Variants in TNKS1BP1 observed in about 807,000 individuals in gnomAD.
The protein encoded by TNKS1BP1 is 182 kDa tankyrase-1-binding protein.
A neutral mutation model predicts 141.1 loss-of-function variants in TNKS1BP1; 48 were observed. That is an observed-to-expected ratio of 0.34 (90% confidence interval 0.27 to 0.43). The LOEUF (loss-of-function observed/expected upper bound fraction) is 0.43. Among genes scored for constraint, TNKS1BP1 ranks in the 20% least tolerant of loss-of-function variants. The probability of loss-of-function intolerance (pLI) is 1.00; values close to 1 mark genes in which losing one functional copy is unlikely to be tolerated. For missense variants in TNKS1BP1, 2,149 were observed against 2,226.0 expected (o/e 0.97, Z 0.70); for synonymous variants, 875 against 898.2 (o/e 0.97, Z 0.46).
chr11:57,318,714 C>T (rs1855834174), intron 3 of TNKS1BP1, among the ~76,000 whole-genome samples: 1 of 152,246 alleles, frequency 6.6e-6, no homozygotes, highest in African/African-American at 2.4e-5. Flanking sequence ...CTCCAAAGTC[C>T]CGTGCCCAGC....
Position 57,313,104 on chromosome 11 carries a change from C to T in TNKS1BP1, c.1584G>A (p.Gly528=). 6.2e-7 allele frequency: 1 copy of T among 1,613,424 alleles called. No individual in the cohort carries two copies. The highest frequency in any genetic ancestry group is 8.5e-7 in the Non-Finnish European group (1 of 1,180,018). ...CACTTGGAGCTGACCCAGCCCCTTG[C>T]CCCTGCTGAGACACTCCTTCTTCCC... The part of the protein sequence containing the change: ...SSREEGVSQQ[G]QGAGSAPSGS... The change falls in exon 5 of 12, where the codon GGG becomes GGA. Residue 528 remains glycine, a synonymous_variant. Coordinates refer to ENST00000358252, the MANE Select transcript of TNKS1BP1 (RefSeq NM_033396.3).
chr11:57,311,312 G>T, intron 5 of TNKS1BP1: 1 of 985,840 alleles, frequency 1.0e-6, no homozygotes, highest in Non-Finnish European at 1.2e-6. Flanking sequence ...GCGTTGGCCA[G>T]CAGCCGCTCC....
At chr11:57,305,702 A>G (rs372060046) in intron 6 of TNKS1BP1, among the ~76,000 whole-genome samples, 1 of 152,194 alleles carries the variant, frequency 6.6e-6, no homozygotes. Context: ...CAGCCGTGGG[A>G]ACCGGTGCAA....
intron 6 of TNKS1BP1, among the ~76,000 whole-genome samples, chr11:57,306,591 CTTTT>C (rs995576789): frequency 7.2e-5 from 11 of 152,228 alleles, no homozygotes; most frequent in Admixed American, 7.2e-4. Flanking sequence ...TTTCGTTCGG[CTTTT>C]TGAGGAGCCG....
In TNKS1BP1 at chr11:57,302,120, C is replaced by A. The variant is rs375083980; in HGVS notation, c.4788G>T (p.Leu1596=). 5 of 1,613,848 alleles carry A rather than the reference C, an allele frequency of 3.1e-6. No homozygotes were observed. The African/African-American group carries it at 5.3e-5, about 17-fold the overall frequency. The part of the protein sequence containing the change: ...PVIRPGGTLG[L]SEAADSDAHL... Reference sequence around the variant, plus strand: ...GTGCATCCGAGTCTGCTGCCTCCGACAGGCCCAAGGTACCCCCAGGCCGAA... The same window carrying A: ...GTGCATCCGAGTCTGCTGCCTCCGAAAGGCCCAAGGTACCCCCAGGCCGAA... Residue 1596 remains leucine (L), a synonymous_variant, in exon 8 of 12, where the codon CTG becomes CTT. Coordinates refer to ENST00000358252, the MANE Select transcript of TNKS1BP1 (RefSeq NM_033396.3). The surrounding 1 kb of genome is among the most constrained non-coding windows in gnomAD (Gnocchi z 5.5).
intron 5 of TNKS1BP1, among the ~76,000 whole-genome samples, chr11:57,311,698 T>C (rs955361754): frequency 2.0e-5 from 3 of 150,712 alleles, no homozygotes; most frequent in African/African-American, 7.4e-5. Context: ...GCTTGAGAAA[T>C]AAATTTCGAA....
chr11:57,300,715 G>T lies in TNKS1BP1; in HGVS notation c.5130-115C>A, dbSNP rs995031096. ...AACCAGAAGAGGCAGTCTGGGGCCT[G>T]GCTGCAGGGACCCAAATTCTGACAC... On this transcript the variant is annotated intron_variant, in intron 10 of 11. Transcript: ENST00000358252. The T allele has an allele frequency of 2.6e-6, 4 of 1,513,612 alleles. No homozygotes were observed. The East Asian group carries it at 6.8e-5, about 26-fold the overall frequency. 93.8% of individuals were successfully genotyped at this position (1,513,612 alleles called of 1,614,324 possible).
Position 57,313,449 on chromosome 11 carries a change from CT to C in TNKS1BP1, c.1238del (p.Lys413ArgfsTer239). 6.2e-7 allele frequency: 1 copy of C among 1,601,650 alleles called. No individual in the cohort carries two copies. Among genetic ancestry groups the C allele is most frequent in the Non-Finnish European group, 8.5e-7 (1 of 1,173,052 alleles). ...TFPSGGEEEA[K>X]GDAHLRPTSL... ...TGGTGGGGCGGAGGTGTGCGTCACC[CT>C]TGGCCTCCTCCTCCCCGCCAGATGG... On this transcript the variant is annotated frameshift_variant, in exon 5 of 12. Coordinates refer to ENST00000358252, the MANE Select transcript of TNKS1BP1 (RefSeq NM_033396.3). LOFTEE classifies it high-confidence loss of function.
intron 6 of TNKS1BP1, 91 bp downstream of exon 6, chr11:57,308,304 A>C: frequency 1.3e-6 from 2 of 1,499,232 alleles, no homozygotes; most frequent in Non-Finnish European, 1.8e-6. Flanking sequence ...CCTCAGGAAA[A>C]ACTGTTTCTT....
In TNKS1BP1 at chr11:57,302,172, C is replaced by T. The variant is rs1209439480; in HGVS notation, c.4736G>A (p.Arg1579His). The T allele has an allele frequency of 1.7e-5, 27 of 1,613,244 alleles. No individual in the cohort carries two copies. Among genetic ancestry groups the T allele is most frequent in the East Asian group, 2.2e-5 (1 of 44,874 alleles). ...GACCGGGGCCCGGTGCCCACGCTTG[C>T]GCCCCAAGTTGGCACGGCTCCGATA... ...AMYRSRANLG[R>H]KRGHRAPVIR... Residue 1579 changes from arginine (R) to histidine (H), a missense_variant, in exon 8 of 12, where the codon CGC becomes CAC. Transcript: ENST00000358252. The surrounding 1 kb of genome is among the most constrained non-coding windows in gnomAD (Gnocchi z 5.5).
chr11:57,300,839 G>A, intron 10 of TNKS1BP1, 45 bp downstream of exon 10: 5 of 1,598,878 alleles, frequency 3.1e-6, no homozygotes, highest in Non-Finnish European at 4.3e-6. Flanking sequence ...TTTCATCAGG[G>A]TAATACAGTG....
At chr11:57,324,193 G>A (rs951032288) in intron 1 of TNKS1BP1, among the ~76,000 whole-genome samples, 6 of 152,220 alleles carry the variant, frequency 3.9e-5, no homozygotes, top group Non-Finnish European at 8.8e-5. Flanking sequence ...AGGATCTCCA[G>A]CCGGATCCGA....
intron 6 of TNKS1BP1, among the ~76,000 whole-genome samples, chr11:57,304,053 G>A (rs780470194): frequency 5.9e-5 from 9 of 151,810 alleles, no homozygotes; most frequent in Non-Finnish European, 8.8e-5. Flanking sequence ...GATGGACCTC[G>A]CACCCACCAC....
Position 57,312,833 on chromosome 11 carries a change from G to C in TNKS1BP1, c.1855C>G (p.Leu619Val). The C allele has an allele frequency of 5.6e-6, 9 of 1,611,826 alleles. No homozygotes were observed. Among genetic ancestry groups the C allele is most frequent in the Non-Finnish European group, 7.6e-6 (9 of 1,178,914 alleles). ...GGGGCTGCTGGCTGCTCCTGCCCCA[G>C]GACTGGCTCCAGGATGGGCAAGGCT... ...EAALPILEPV[L>V]GQEQPAAPDQ... Residue 619 changes from leucine to valine, a missense_variant, in exon 5 of 12, where the codon CTG (leucine) becomes GTG (valine). Transcript: ENST00000358252.
chr11:57,320,386 C>G lies in TNKS1BP1; in HGVS notation c.421G>C (p.Gly141Arg), dbSNP rs1423481285. ...AAAGGGGCAGGGGCCTTCCGTACAC[C>G]CCCTGGGGCTGCACATCGAGCTGGG... is the stretch of plus-strand genomic sequence containing the variant. ...TPPARCAAPG[G>R]VRKAPAPFRP... Residue 141 changes from glycine (G) to arginine (R), a missense_variant, in exon 3 of 12, where the codon GGT becomes CGT. Physicochemically the swap from Gly to Arg is moderately radical, Grantham distance 125. Transcript: ENST00000358252. The G allele has an allele frequency of 6.2e-7, 1 of 1,612,982 alleles. No homozygotes were observed. Among genetic ancestry groups the G allele is most frequent in the African/African-American group, 1.3e-5 (1 of 74,906 alleles).
At chr11:57,305,356 A>G (rs1463271619) in intron 6 of TNKS1BP1, among the ~76,000 whole-genome samples, 2 of 152,218 alleles carry the variant, frequency 1.3e-5, no homozygotes, top group African/African-American at 2.4e-5. Flanking sequence ...AATTATTAGG[A>G]TAGTCATTAT....
Position 57,310,567 on chromosome 11 carries a change from G to GA in TNKS1BP1, c.2155-12dup, listed in dbSNP as rs199973948. The GA allele has an allele frequency of 3.3e-3, 5,017 of 1,531,460 alleles. 81 individuals are homozygous for GA. In the African/African-American group the frequency reaches 0.051, roughly 16 times the overall value. The allele number at this position is 1,531,460 out of a possible 1,614,324, so 94.9% of individuals were successfully genotyped here. A position where few individuals can be genotyped will look rare whatever the true frequency, so the allele number is the denominator to read the frequency against. ...CCAGCCAAGGAGTCCCTGGGAATAA[G>GA]AAAAAAAAACAGACAAAGAAACAAC... On this transcript the variant is annotated splice_polypyrimidine_tract_variant and intron_variant, in intron 5 of 11. Coordinates refer to ENST00000358252, the MANE Select transcript of TNKS1BP1 (RefSeq NM_033396.3).
At chr11:57,306,295 A>AAAAAAAG (rs60916068) in intron 6 of TNKS1BP1, among the ~76,000 whole-genome samples, 1 of 150,926 alleles carries the variant, frequency 6.6e-6, no homozygotes, top group African/African-American at 2.4e-5. Flanking sequence ...CAAAAAAAAA[A>AAAAAAAG]AGAGAAAGTG....
rs1035370346 is a variant in TNKS1BP1 at position 57,314,666 on chromosome 11, C to T, written c.799-777G>A. ...CGGCATAGGACTCATGGGATGATGG[C>T]GGCAGAGAGTGGGGAGGACGTGGAG... On this transcript the variant is annotated intron_variant, in intron 4 of 11. Coordinates refer to ENST00000358252, the MANE Select transcript of TNKS1BP1 (RefSeq NM_033396.3). Among the ~76,000 whole-genome samples the T allele has an allele frequency of 5.9e-5, 9 of 152,176 alleles. No homozygotes were observed. In the South Asian group the frequency reaches 6.2e-4, roughly 11 times the overall value.
Sources: gnomAD v4.1 joint callset for allele counts (sites outside exome capture counted in the v4.1 genomes callset) on GRCh38, gnomAD v4.1.1 for gene constraint, Gnocchi (gnomAD v3.1) non-coding constraint, MANE v1.5 for transcripts, NCBI Gene and HGNC (gene_info 2026-07-23, HGNC 2026-07-21) for gene names.